ALK: variants seen among roughly 807,000 people sequenced by gnomAD.
ALK encodes the protein ALK receptor tyrosine kinase.
A neutral mutation model predicts 163.1 loss-of-function variants in ALK; 74 were observed. The observed-to-expected ratio is 0.45, with a 90% CI of 0.38 to 0.55. ALK has a LOEUF of 0.55. ALK is among the 20% of genes least tolerant of loss of function. The pLI is 0.00. For synonymous variants in ALK, 960 were observed against 843.2 expected, an observed-to-expected ratio of 1.14 and a Z score of -2.40; for missense variants, 2,063 against 2,105.3, an observed-to-expected ratio of 0.98 and a Z score of 0.39.
intron 4 of ALK, among the ~76,000 whole-genome samples, chr2:29,492,735 T>C (rs1671932482): frequency 6.6e-6 from 1 of 152,188 alleles, no homozygotes. Context: ...GGTTTGTTTG[T>C]CTAAGCTAGG....
In ALK at chr2:29,220,845, A is replaced by T. The variant is rs2148166765; in HGVS notation, c.3516-10T>A. Reference sequence around the variant, plus strand: ...CTGGTGGTTGAATTTGCTGCAGAGCAGAGAGGGATGTAACCAAAATTAACT... The same window carrying T: ...CTGGTGGTTGAATTTGCTGCAGAGCTGAGAGGGATGTAACCAAAATTAACT... On this transcript the variant is annotated splice_polypyrimidine_tract_variant and intron_variant, in intron 22 of 28. Transcript: ENST00000389048. 1 of 1,614,008 alleles carries T rather than the reference A, an allele frequency of 6.2e-7. No homozygotes were observed. Among genetic ancestry groups the T allele is most frequent in the Non-Finnish European group, 8.5e-7 (1 of 1,179,888 alleles).
At chr2:29,571,982 CCCAG>C (rs1444291863) in intron 3 of ALK, among the ~76,000 whole-genome samples, 1 of 152,090 alleles carries the variant, frequency 6.6e-6, no homozygotes, top group Non-Finnish European at 1.5e-5. Context: ...ACAAAGAAAG[CCCAG>C]GTGAAGAATG....
chr2:29,265,944 C>A (rs1391708742), intron 11 of ALK, among the ~76,000 whole-genome samples: 1 of 152,172 alleles, frequency 6.6e-6, no homozygotes, highest in Non-Finnish European at 1.5e-5. Context: ...AAGATCACGG[C>A]ACTGCACTCC....
intron 6 of ALK, among the ~76,000 whole-genome samples, chr2:29,327,198 C>G (rs997617858): frequency 1.3e-5 from 2 of 152,188 alleles, no homozygotes; most frequent in African/African-American, 2.4e-5. Flanking sequence ...TACTCCGCCC[C>G]GACTGCCAGT....
At chr2:29,757,593 T>TTGTGTGTGTGTGTG (rs35768373) in intron 1 of ALK, among the ~76,000 whole-genome samples, 1 of 148,232 alleles carries the variant, frequency 6.7e-6, no homozygotes, top group Non-Finnish European at 1.5e-5. Context: ...TTTTGTTTGT[T>TTGTGTGTGTGTGTG]TGTGTGTGTG....
chr2:29,200,768 T>TACGTATATAC (rs1553389098), intron 26 of ALK, among the ~76,000 whole-genome samples: 3 of 142,434 alleles, frequency 2.1e-5, no homozygotes, highest in African/African-American at 5.1e-5. Flanking sequence ...TATGTATATA[T>TACGTATATAC]ATACGTATAT....
intron 1 of ALK, among the ~76,000 whole-genome samples, chr2:29,911,211 G>C (rs1435249929): frequency 1.3e-5 from 2 of 152,322 alleles, no homozygotes; most frequent in East Asian, 3.9e-4. Context: ...CCAAAGGACA[G>C]GGAAAGGAAC....
chr2:29,866,354 G>A (rs758967735), intron 1 of ALK, among the ~76,000 whole-genome samples: 1 of 152,188 alleles, frequency 6.6e-6, no homozygotes, highest in Non-Finnish European at 1.5e-5. Flanking sequence ...ATCCATGTTT[G>A]CACAGCAGCA....
intron 4 of ALK, among the ~76,000 whole-genome samples, chr2:29,429,340 C>T (rs763625891): frequency 1.3e-5 from 2 of 151,842 alleles, no homozygotes; most frequent in East Asian, 1.9e-4. Context: ...AATGACATAA[C>T]CTTGTGTATA....
intron 8 of ALK, among the ~76,000 whole-genome samples, chr2:29,316,327 G>A (rs549659329): frequency 2.0e-5 from 3 of 152,252 alleles, no homozygotes; most frequent in African/African-American, 7.2e-5. Flanking sequence ...ATGTGAGTGT[G>A]GAATGGACTT....
intron 4 of ALK, among the ~76,000 whole-genome samples, chr2:29,520,575 G>T (rs1009454299): frequency 9.2e-5 from 14 of 152,156 alleles, no homozygotes. Flanking sequence ...AATCAGCTCT[G>T]CTCACAGAAG....
intron 5 of ALK, among the ~76,000 whole-genome samples, chr2:29,349,159 G>T (rs1041226426): frequency 7.9e-5 from 12 of 152,178 alleles, no homozygotes; most frequent in Admixed American, 6.5e-4. Context: ...GGGTTGCAGG[G>T]TCGCCCTCTC....
intron 5 of ALK, among the ~76,000 whole-genome samples, chr2:29,331,537 CT>C (rs1455709370): frequency 6.6e-6 from 1 of 152,188 alleles, no homozygotes; most frequent in East Asian, 1.9e-4. Flanking sequence ...CATTTTGCAG[CT>C]TTAATTTTGG....
At chr2:29,590,258 A>G (rs1675009498) in intron 3 of ALK, among the ~76,000 whole-genome samples, 1 of 152,188 alleles carries the variant, frequency 6.6e-6, no homozygotes, top group South Asian at 2.1e-4. Context: ...TTATATTTTA[A>G]TTGATTGAAA....
chr2:29,891,682 T>C (rs1667151435), intron 1 of ALK, among the ~76,000 whole-genome samples: 2 of 152,188 alleles, frequency 1.3e-5, no homozygotes, highest in South Asian at 4.1e-4. Flanking sequence ...CAAGTGTTAA[T>C]ATTCACATCC....
chr2:29,664,469 T>A (rs549905989), intron 3 of ALK, among the ~76,000 whole-genome samples: 4 of 152,154 alleles, frequency 2.6e-5, no homozygotes, highest in Admixed American at 2.0e-4. Flanking sequence ...TATCTGTCAC[T>A]TGAGTAGCCC....
intron 8 of ALK, among the ~76,000 whole-genome samples, chr2:29,300,677 C>T (rs1340915041): frequency 6.6e-6 from 1 of 151,830 alleles, no homozygotes. Flanking sequence ...GTGTGAGAAA[C>T]AGTAAGCCTT....
Position 29,227,755 on chromosome 2 carries a change from G to T in ALK, c.2816-83C>A. The T allele has an allele frequency of 8.8e-7, 1 of 1,140,494 alleles. No individual in the cohort carries two copies. Among genetic ancestry groups the T allele is most frequent in the Non-Finnish European group, 1.3e-6 (1 of 753,998 alleles). 70.6% of individuals were successfully genotyped at this position (1,140,494 alleles called of 1,614,324 possible). The stretch of plus-strand genomic sequence containing the variant: ...CACACACACGTCAGTGGGGCATGCA[G>T]CTCTGGCCAAAGTTAGGGGGTCACT... On this transcript the variant is annotated intron_variant, in intron 16 of 28. Transcript: ENST00000389048. The surrounding 1 kb of genome is among the most constrained non-coding windows in gnomAD (Gnocchi z 4.4).
At chr2:29,337,192 G>T (rs185881239) in intron 5 of ALK, among the ~76,000 whole-genome samples, 29 of 152,350 alleles carry the variant, frequency 1.9e-4, no homozygotes, top group African/African-American at 7.0e-4. Flanking sequence ...GACCAGTCCT[G>T]CTGAGGGCTT....
Sources: gnomAD v4.1 joint callset for allele counts (sites outside exome capture counted in the v4.1 genomes callset) on GRCh38, gnomAD v4.1.1 for gene constraint, Gnocchi (gnomAD v3.1) non-coding constraint, MANE v1.5 for transcripts, NCBI Gene and HGNC (gene_info 2026-07-23, HGNC 2026-07-21) for gene names.